The following TIMP3 variants were observed in gnomAD, a reference collection of about 807,000 sequenced individuals.
TIMP3 encodes the protein TIMP metallopeptidase inhibitor 3.
In TIMP3, 11 loss-of-function variants were observed where a neutral mutation model predicts 30.0. The observed-to-expected ratio is 0.37, with a 90% CI of 0.23 to 0.61. The LOEUF is 0.61. Ranked by LOEUF, TIMP3 falls within the 20% of genes least tolerant of loss-of-function variation. TIMP3 has a pLI of 0.70. For missense variants in TIMP3, 181 were observed against 276.8 expected (o/e 0.65, Z 2.45); for synonymous variants, 112 against 111.3 (o/e 1.01, Z -0.04).
At chr22:32,858,546 C>T (rs2048443543) in intron 4 of TIMP3, among the ~76,000 whole-genome samples, 1 of 152,152 alleles carries the variant, frequency 6.6e-6, no homozygotes, top group Non-Finnish European at 1.5e-5. Context: ...CAAATGGGCC[C>T]AGGACTGCAG....
At chr22:32,844,852 A>G (rs2146215004) in intron 1 of TIMP3, among the ~76,000 whole-genome samples, 1 of 152,158 alleles carries the variant, frequency 6.6e-6, no homozygotes, top group East Asian at 1.9e-4. Context: ...CTGAGACTAC[A>G]GATACACGGC....
chr22:32,809,001 C>T (rs130275), intron 1 of TIMP3, among the ~76,000 whole-genome samples: 23,630 of 152,152 alleles, frequency 0.16, 2,362 homozygotes, highest in East Asian at 0.32. Flanking sequence ...ACCCTAGCAC[C>T]CTCCCAGAGA....
intron 1 of TIMP3, among the ~76,000 whole-genome samples, chr22:32,848,935 TG>T (rs2146241184): frequency 6.6e-6 from 1 of 152,246 alleles, no homozygotes; most frequent in South Asian, 2.1e-4. Context: ...GAATGCTAAC[TG>T]GGGGCACTGT....
At chr22:32,858,706 G>C (rs983344530) in intron 4 of TIMP3, among the ~76,000 whole-genome samples, 4 of 152,140 alleles carry the variant, frequency 2.6e-5, no homozygotes, top group Non-Finnish European at 5.9e-5. Flanking sequence ...TAATTACTAT[G>C]ATCTCCATTC....
intron 1 of TIMP3, among the ~76,000 whole-genome samples, chr22:32,807,370 T>TTATATATAATATATATTA (rs1569239733): frequency 2.6e-5 from 3 of 114,694 alleles, no homozygotes; most frequent in Admixed American, 2.1e-4. Flanking sequence ...ATAATATATA[T>TTATATATAATATATATTA]TATATATAAT....
chr22:32,821,238 T>C (rs1311137617), intron 1 of TIMP3, among the ~76,000 whole-genome samples: 1 of 152,118 alleles, frequency 6.6e-6, no homozygotes, highest in Non-Finnish European at 1.5e-5. Flanking sequence ...GTTTTCCCAA[T>C]TGCAAAATGG....
intron 1 of TIMP3, among the ~76,000 whole-genome samples, chr22:32,832,064 G>A (rs779448405): frequency 3.9e-5 from 6 of 152,170 alleles, no homozygotes; most frequent in Non-Finnish European, 5.9e-5. Flanking sequence ...GGACCAGGTG[G>A]GGTGATTAGG....
chr22:32,824,447 G>A (rs184434577), intron 1 of TIMP3, among the ~76,000 whole-genome samples: 64 of 151,944 alleles, frequency 4.2e-4, no homozygotes, highest in Middle Eastern at 3.4e-3. Flanking sequence ...TTTAAACCCC[G>A]TAGTCATATA....
At chr22:32,802,184 G>A in intron 1 of TIMP3, 62 bp downstream of exon 1, 1 of 1,532,316 alleles carries the variant, frequency 6.5e-7, no homozygotes, top group South Asian at 1.2e-5. Flanking sequence ...GCGCTGCTTA[G>A]GGAGGCAGGG....
chr22:32,848,836 A>G (rs1002894645), intron 1 of TIMP3, among the ~76,000 whole-genome samples: 1 of 152,098 alleles, frequency 6.6e-6, no homozygotes, highest in South Asian at 2.1e-4. Flanking sequence ...CCGACTCCCA[A>G]TTGCTCCTTC....
intron 1 of TIMP3, among the ~76,000 whole-genome samples, chr22:32,810,118 C>A (rs1357535078): frequency 6.6e-6 from 1 of 152,202 alleles, no homozygotes; most frequent in African/African-American, 2.4e-5. Context: ...AAGGGACTTA[C>A]TAAATACTGT....
intron 1 of TIMP3, among the ~76,000 whole-genome samples, chr22:32,807,419 T>G (rs2046793986): frequency 8.3e-6 from 1 of 120,954 alleles, no homozygotes; most frequent in African/African-American, 3.1e-5. Flanking sequence ...TATTTACATA[T>G]ATATTATATA....
rs1024440143 is a variant in TIMP3 at position 32,860,861 on chromosome 22, T to C, written c.*1484T>C. ...TCCTCACCTCTTGGAATTAAAATTG[T>C]TGGTCACTGGGGAAAGCCTGAGTTT... On this transcript the variant is annotated 3_prime_UTR_variant, in exon 5 of 5. Coordinates refer to ENST00000266085, the MANE Select transcript of TIMP3 (RefSeq NM_000362.5). The C allele has an allele frequency of 2.6e-5, 4 of 151,998 alleles. No homozygotes were observed. The highest frequency in any genetic ancestry group is 1.9e-4 in the East Asian group (1 of 5,168). The allele number at this position is 151,998 out of a possible 1,614,324, so 9.4% of individuals were successfully genotyped here.
chr22:32,801,973 C>T lies in TIMP3; in HGVS notation c.-29C>T. On this transcript the variant is annotated 5_prime_UTR_variant, in exon 1 of 5. Coordinates refer to ENST00000266085, the MANE Select transcript of TIMP3 (RefSeq NM_000362.5). This position sits in a 1 kb window ranked among gnomAD's most constrained non-coding sequence, Gnocchi z 4.7. ...ACGGCAACTTTGGAGAGGCGAGCAG[C>T]AGCCCCGGCAGCGGCGGCAGCAGCG... 6.3e-7 allele frequency: 1 copy of T among 1,578,732 alleles called. No homozygotes were observed. The highest frequency in any genetic ancestry group is 1.1e-5 in the South Asian group (1 of 87,262).
chr22:32,839,255 AG>A (rs1295464246), intron 1 of TIMP3, among the ~76,000 whole-genome samples: 1 of 151,840 alleles, frequency 6.6e-6, no homozygotes, highest in Non-Finnish European at 1.5e-5. Context: ...AACCCAAGGG[AG>A]GTGTAGGTGA....
chr22:32,834,471 C>T (rs2047672990), intron 1 of TIMP3, among the ~76,000 whole-genome samples: 1 of 152,116 alleles, frequency 6.6e-6, no homozygotes, highest in Non-Finnish European at 1.5e-5. Context: ...CCAAGCCCAC[C>T]TTTTGATAGG....
intron 1 of TIMP3, among the ~76,000 whole-genome samples, chr22:32,846,428 G>T (rs1351735048): frequency 6.6e-6 from 1 of 152,186 alleles, no homozygotes; most frequent in Non-Finnish European, 1.5e-5. Context: ...TATGCCCTAA[G>T]ATGGAATAAA....
At chr22:32,858,455 T>G (rs1221722032) in intron 4 of TIMP3, among the ~76,000 whole-genome samples, 1 of 152,148 alleles carries the variant, frequency 6.6e-6, no homozygotes, top group East Asian at 1.9e-4. Flanking sequence ...TATAGGATCC[T>G]GACACTGGCA....
At chr22:32,805,959 T>C (rs2046723251) in intron 1 of TIMP3, among the ~76,000 whole-genome samples, 1 of 151,960 alleles carries the variant, frequency 6.6e-6, no homozygotes, top group African/African-American at 2.4e-5. Context: ...ATTATTATTC[T>C]AGTGTATCAT....
Sources: allele counts gnomAD v4.1 joint callset (sites outside exome capture counted in the v4.1 genomes callset), GRCh38; gene constraint gnomAD v4.1.1; non-coding constraint Gnocchi (gnomAD v3.1); transcripts MANE v1.5; gene names NCBI Gene and HGNC (gene_info 2026-07-23, HGNC 2026-07-21).